Variants in IQGAP2 observed in about 807,000 individuals in gnomAD.
IQGAP2 encodes ras GTPase-activating-like protein IQGAP2.
Under a neutral mutation model 201.3 loss-of-function variants are expected in IQGAP2, and 173 were observed. The observed-to-expected ratio is 0.86, with a 90% CI of 0.76 to 0.98. The LOEUF is 0.98. Ranked by LOEUF, IQGAP2 falls within the 50% of genes least tolerant of loss-of-function variation. IQGAP2 has a pLI of 0.00. For synonymous variants in IQGAP2, 675 were observed against 673.9 expected (o/e 1.00, Z -0.03); for missense variants, 1,687 against 1,864.8 (o/e 0.90, Z 1.76).
At chr5:76,417,667 G>A (rs1253157327) in intron 1 of IQGAP2, among the ~76,000 whole-genome samples, 10 of 152,024 alleles carry the variant, frequency 6.6e-5, no homozygotes, top group Non-Finnish European at 1.0e-4. Flanking sequence ...TGCAACCTCC[G>A]CCTCCTGGGC....
chr5:76,622,317 T>C (rs1749778218), intron 13 of IQGAP2, among the ~76,000 whole-genome samples: 1 of 152,222 alleles, frequency 6.6e-6, no homozygotes, highest in Admixed American at 6.5e-5. Flanking sequence ...AAATCCCACA[T>C]GTGCTTACTG....
intron 2 of IQGAP2, among the ~76,000 whole-genome samples, chr5:76,481,386 G>GTT (rs780254641): frequency 2.7e-5 from 4 of 145,620 alleles, no homozygotes; most frequent in Non-Finnish European, 4.6e-5. Context: ...TACAAAAAAA[G>GTT]TTTTTTTTTT....
At chr5:76,704,686 C>G (rs1279404593) in intron 35 of IQGAP2, among the ~76,000 whole-genome samples, 1 of 152,192 alleles carries the variant, frequency 6.6e-6, no homozygotes, top group Non-Finnish European at 1.5e-5. Flanking sequence ...GAATAAAACC[C>G]TGGGCATGGG....
At chr5:76,426,687 C>T (rs1011918849) in intron 1 of IQGAP2, among the ~76,000 whole-genome samples, 1 of 152,152 alleles carries the variant, frequency 6.6e-6, no homozygotes. Flanking sequence ...CTTTAATACA[C>T]GAAGGGCGCT....
At chr5:76,618,182 G>T (rs779631901) in intron 13 of IQGAP2, 3 of 1,614,168 alleles carry the variant, frequency 1.9e-6, no homozygotes, top group Non-Finnish European at 2.5e-6. Flanking sequence ...AGTACATGTT[G>T]CCATAGAAGA....
At chr5:76,558,221 T>A (rs1744084184) in intron 2 of IQGAP2, among the ~76,000 whole-genome samples, 1 of 152,164 alleles carries the variant, frequency 6.6e-6, no homozygotes, top group Non-Finnish European at 1.5e-5. Context: ...GCTTTTATTT[T>A]TGCCTCCTGC....
intron 2 of IQGAP2, among the ~76,000 whole-genome samples, chr5:76,509,401 C>CTT (rs781214232): frequency 1.9e-4 from 27 of 143,552 alleles, no homozygotes; most frequent in African/African-American, 5.3e-4. Context: ...ATTCCTTGTC[C>CTT]TTTTTTTTTT....
At chr5:76,636,854 G>T (rs1751168322) in intron 15 of IQGAP2, among the ~76,000 whole-genome samples, 180 bp from the exon 16 acceptor site, 1 of 152,312 alleles carries the variant, frequency 6.6e-6, no homozygotes, top group African/African-American at 2.4e-5. Flanking sequence ...CTTTGGGTTA[G>T]CAGGCATCTG....
intron 1 of IQGAP2, among the ~76,000 whole-genome samples, chr5:76,448,547 C>T (rs1017809369): frequency 3.9e-5 from 6 of 152,100 alleles, no homozygotes; most frequent in Non-Finnish European, 7.4e-5. Context: ...CTCCAGAGGA[C>T]TTTACCTCCA....
intron 29 of IQGAP2, 37 bp from the exon 30 acceptor site, chr5:76,683,739 T>G (rs753033285): frequency 1.3e-6 from 2 of 1,578,252 alleles, no homozygotes; most frequent in South Asian, 1.2e-5. Context: ...TCACAAAGAG[T>G]GAATTGGAAA....
At chr5:76,511,686 GT>G (rs70982618) in intron 2 of IQGAP2, among the ~76,000 whole-genome samples, 7 of 141,340 alleles carry the variant, frequency 5.0e-5, no homozygotes, top group Admixed American at 1.4e-4. Flanking sequence ...GTTTTGTTTT[GT>G]TTTTTTTTTT....
chr5:76,629,251 A>G (rs1750501659), intron 14 of IQGAP2, among the ~76,000 whole-genome samples: 2 of 152,210 alleles, frequency 1.3e-5, no homozygotes, highest in African/African-American at 4.8e-5. Flanking sequence ...AATGCTACCT[A>G]TGAGAATTTT....
At chr5:76,606,376 TAGGGC>T (rs1747806010) in intron 12 of IQGAP2, 73 bp downstream of exon 12, 2 of 1,365,442 alleles carry the variant, frequency 1.5e-6, no homozygotes, top group Non-Finnish European at 2.0e-6. Context: ...TTTTCTAGAT[TAGGGC>T]TTTAAGTTTT....
chr5:76,530,507 T>G (rs1185777949), intron 2 of IQGAP2, among the ~76,000 whole-genome samples: 1 of 152,238 alleles, frequency 6.6e-6, no homozygotes, highest in African/African-American at 2.4e-5. Context: ...TTCTAAAATA[T>G]TTGGTGTGTA....
chr5:76,659,200 C>T (rs918095935), intron 21 of IQGAP2, among the ~76,000 whole-genome samples: 3 of 152,116 alleles, frequency 2.0e-5, no homozygotes, highest in Admixed American at 6.5e-5. Context: ...TTTTGTAAGG[C>T]TTCTTTATCA....
intron 2 of IQGAP2, among the ~76,000 whole-genome samples, chr5:76,483,761 T>G (rs77243076): frequency 6.6e-6 from 1 of 152,290 alleles, no homozygotes; most frequent in Non-Finnish European, 1.5e-5. Flanking sequence ...GATTTATAAT[T>G]TTGTTCTCTT....
intron 30 of IQGAP2, among the ~76,000 whole-genome samples, chr5:76,689,235 A>ATT (rs1746052119): frequency 1.4e-5 from 2 of 145,100 alleles, no homozygotes; most frequent in Non-Finnish European, 3.0e-5. Context: ...ATATTTAAAA[A>ATT]AAAAAAAAAA....
Position 76,419,276 on chromosome 5 carries a change from A to G in IQGAP2, c.46+15685A>G, listed in dbSNP as rs1205522738. On this transcript the variant is annotated intron_variant, in intron 1 of 35. Coordinates refer to ENST00000274364, the MANE Select transcript of IQGAP2 (RefSeq NM_006633.5). ...AGTAGCTAGGACTACAGGCATGCAC[A>G]CCACACCTGGCTAATTAAAAAAATA... Among the ~76,000 whole-genome samples the G allele has an allele frequency of 4.6e-5, 7 of 151,888 alleles. No homozygotes were observed. The East Asian group carries it at 1.2e-3, about 25-fold the overall frequency.
At chr5:76,531,301 CTGTTG>C (rs1181874237) in intron 2 of IQGAP2, among the ~76,000 whole-genome samples, 3 of 152,146 alleles carry the variant, frequency 2.0e-5, no homozygotes, top group African/African-American at 7.2e-5. Context: ...GGTCTCTGCT[CTGTTG>C]CCCATGTTGG....
Sources: allele counts gnomAD v4.1 joint callset (sites outside exome capture counted in the v4.1 genomes callset), GRCh38; gene constraint gnomAD v4.1.1; transcripts MANE v1.5; gene names NCBI Gene and HGNC (gene_info 2026-07-23, HGNC 2026-07-21).